Variants in MEGF10 observed in about 807,000 individuals in gnomAD.
MEGF10 encodes the protein multiple EGF like domains 10.
Under a neutral mutation model 147.5 loss-of-function variants are expected in MEGF10, and 86 were observed. The observed-to-expected ratio is 0.58, with a 90% CI of 0.49 to 0.70. The LOEUF (loss-of-function observed/expected upper bound fraction) is 0.70, where lower values mean the gene tolerates loss of function less well. MEGF10 is among the 30% of genes least tolerant of loss of function. The probability of loss-of-function intolerance (pLI) is 0.00; values close to 1 mark genes in which losing one functional copy is unlikely to be tolerated. For synonymous variants in MEGF10, 478 were observed against 525.5 expected, an observed-to-expected ratio of 0.91 and a Z score of 1.24; for missense variants, 1,329 against 1,487.3, an observed-to-expected ratio of 0.89 and a Z score of 1.75.
chr5:127,384,283 C>T (rs75385634), intron 5 of MEGF10, among the ~76,000 whole-genome samples: 2,530 of 152,294 alleles, frequency 0.017, 20 homozygotes, highest in Middle Eastern at 0.027. Flanking sequence ...AATAGAACTT[C>T]GTAGCCAGAG....
intron 4 of MEGF10, among the ~76,000 whole-genome samples, chr5:127,352,901 C>G (rs1762135807): frequency 6.6e-6 from 1 of 152,132 alleles, no homozygotes; most frequent in Admixed American, 6.5e-5. Flanking sequence ...AGGTCAGTTC[C>G]CATGGATGTG....
chr5:127,352,132 A>T (rs1048827787), intron 4 of MEGF10, among the ~76,000 whole-genome samples: 1 of 152,096 alleles, frequency 6.6e-6, no homozygotes, highest in Admixed American at 6.5e-5. Flanking sequence ...TAAAATGGAT[A>T]TTGGGAGACA....
chr5:127,460,435 T>C lies in MEGF10; in HGVS notation c.*3117T>C, dbSNP rs1164178211. The C allele has an allele frequency of 6.6e-6, 1 of 152,194 alleles. No homozygotes were observed. Among genetic ancestry groups the C allele is most frequent in the East Asian group, 1.9e-4 (1 of 5,204 alleles). 9.4% of individuals were successfully genotyped at this position (152,194 alleles called of 1,614,324 possible). ...AGAGAGTTTAATATGTTTAGCATTA[T>C]CTTTATGGAATTTATATTCACCAAT... On this transcript the variant is annotated 3_prime_UTR_variant, in exon 25 of 25. Transcript: ENST00000503335.
the MEGF10 span, among the ~76,000 whole-genome samples, chr5:127,274,051 C>T: frequency 1.3e-5 from 2 of 152,126 alleles, no homozygotes; most frequent in Non-Finnish European, 1.5e-5. Flanking sequence ...GGATGTCTAT[C>T]TCAATTCTTT....
the MEGF10 span, among the ~76,000 whole-genome samples, chr5:127,283,099 G>A: frequency 6.6e-6 from 1 of 152,102 alleles, no homozygotes; most frequent in East Asian, 1.9e-4. Context: ...GTTGGAGTTG[G>A]TTTGTGTTAC....
chr5:127,365,173 G>C (rs1762610222), intron 4 of MEGF10, among the ~76,000 whole-genome samples: 1 of 152,100 alleles, frequency 6.6e-6, no homozygotes. Flanking sequence ...GTTTCTGTTG[G>C]ATAATTGTTC....
intron 9 of MEGF10, among the ~76,000 whole-genome samples, chr5:127,416,514 G>A (rs915916657): frequency 1.3e-5 from 2 of 152,128 alleles, no homozygotes; most frequent in Non-Finnish European, 2.9e-5. Flanking sequence ...CTTATATGTA[G>A]AGCTGTACTT....
At chr5:127,452,983 T>C (rs1424503403) in intron 22 of MEGF10, among the ~76,000 whole-genome samples, 1 of 152,150 alleles carries the variant, frequency 6.6e-6, no homozygotes. Context: ...ATGATTGATA[T>C]CTGACAGACC....
Position 127,457,198 on chromosome 5 carries a change from C to G in MEGF10, c.3303C>G (p.Leu1101=), listed in dbSNP as rs749633711. The change falls in exon 25 of 25, where the codon CTC becomes CTG. Residue 1101 remains leucine (L), a synonymous_variant. Transcript: ENST00000503335. ...NGRLSQDPYD[L]PKNSHIPCHY... Reference sequence around the variant, plus strand: ...GTCTCTCCCAGGATCCATATGACCTCCCAAAGAACAGTCACATCCCTTGTC... The same window carrying G: ...GTCTCTCCCAGGATCCATATGACCTGCCAAAGAACAGTCACATCCCTTGTC... The G allele has an allele frequency of 6.2e-7, 1 of 1,614,162 alleles. No individual in the cohort carries two copies. Among genetic ancestry groups the G allele is most frequent in the Non-Finnish European group, 8.5e-7 (1 of 1,180,012 alleles).
chr5:127,257,307 T>TAAAAA, the MEGF10 span, among the ~76,000 whole-genome samples: 1 of 130,434 alleles, frequency 7.7e-6, no homozygotes, highest in African/African-American at 2.8e-5. Flanking sequence ...TTCTTTTTAT[T>TAAAAA]AAAAAAAAAA....
intron 1 of MEGF10, among the ~76,000 whole-genome samples, chr5:127,319,158 C>T (rs1321184544): frequency 6.6e-6 from 1 of 151,672 alleles, no homozygotes; most frequent in African/African-American, 2.4e-5. Flanking sequence ...TCACTGCAAC[C>T]CCTGCTTCCC....
the MEGF10 span, among the ~76,000 whole-genome samples, chr5:127,273,277 C>T: frequency 4.6e-5 from 7 of 152,212 alleles, no homozygotes; most frequent in African/African-American, 1.4e-4. Flanking sequence ...CACTGCTTCC[C>T]TTGGCCAGGG....
chr5:127,328,771 C>T (rs1475843983), intron 1 of MEGF10, among the ~76,000 whole-genome samples: 1 of 151,582 alleles, frequency 6.6e-6, no homozygotes, highest in East Asian at 1.9e-4. Flanking sequence ...GCTTACCAGC[C>T]TTCATGTCTT....
chr5:127,431,738 G>A (rs903438337), intron 13 of MEGF10, among the ~76,000 whole-genome samples: 6 of 152,322 alleles, frequency 3.9e-5, no homozygotes, highest in Non-Finnish European at 7.4e-5. Flanking sequence ...TGAGAGCGAA[G>A]TGTTTAGCAG....
chr5:127,384,723 T>C (rs17684740), intron 5 of MEGF10, among the ~76,000 whole-genome samples: 2,920 of 152,326 alleles, frequency 0.019, 52 homozygotes, highest in South Asian at 0.076. Context: ...ACGGTGATCG[T>C]TGGCACTCTG....
chr5:127,419,042 G>A, intron 10 of MEGF10, 78 bp from the exon 11 acceptor site: 8 of 1,480,692 alleles, frequency 5.4e-6, no homozygotes, highest in Non-Finnish European at 7.3e-6. Context: ...GCATTGCCAA[G>A]ATATATTTTT....
intron 1 of MEGF10, among the ~76,000 whole-genome samples, chr5:127,295,612 G>C (rs531492403): frequency 6.6e-6 from 1 of 152,248 alleles, no homozygotes; most frequent in Non-Finnish European, 1.5e-5. Context: ...TGAACTATTG[G>C]CTTAGGGCAG....
chr5:127,256,044 T>C, the MEGF10 span, among the ~76,000 whole-genome samples: 7 of 152,252 alleles, frequency 4.6e-5, no homozygotes, highest in East Asian at 1.3e-3. Flanking sequence ...AACCAACCAC[T>C]GGTATCCTCT....
At chr5:127,452,870 CGT>C (rs1766207484) in intron 22 of MEGF10, among the ~76,000 whole-genome samples, 1 of 152,172 alleles carries the variant, frequency 6.6e-6, no homozygotes. Flanking sequence ...CCTGCATAAC[CGT>C]GTGCCCTTCC....
Sources: allele counts gnomAD v4.1 joint callset (sites outside exome capture counted in the v4.1 genomes callset), GRCh38; gene constraint gnomAD v4.1.1; transcripts MANE v1.5; gene names NCBI Gene and HGNC (gene_info 2026-07-23, HGNC 2026-07-21).